KCMF1: variants seen among roughly 807,000 people sequenced by gnomAD.
KCMF1 encodes potassium channel modulatory factor 1.
In KCMF1, 3 loss-of-function variants were observed where a neutral mutation model predicts 41.1. That is an observed-to-expected ratio of 0.07 (90% confidence interval 0.03 to 0.19). The LOEUF is 0.19. Ranked by LOEUF, KCMF1 falls within the 10% of genes least tolerant of loss-of-function variation. The probability of loss-of-function intolerance (pLI) is 1.00; values close to 1 mark genes in which losing one functional copy is unlikely to be tolerated. For synonymous variants in KCMF1, 142 were observed against 164.5 expected, an observed-to-expected ratio of 0.86 and a Z score of 1.04; for missense variants, 286 against 488.9, an observed-to-expected ratio of 0.58 and a Z score of 3.91.
chr2:85,025,667 GGC>G, intron 1 of KCMF1, among the ~76,000 whole-genome samples: 2 of 152,106 alleles, frequency 1.3e-5, no homozygotes, highest in South Asian at 2.1e-4. Context: ...GGAGTGCAGT[GGC>G]GCAACCTCAG....
At chr2:85,023,179 G>A (rs979057713) in intron 1 of KCMF1, among the ~76,000 whole-genome samples, 2 of 151,582 alleles carry the variant, frequency 1.3e-5, no homozygotes, top group African/African-American at 2.4e-5. Flanking sequence ...GAGCCACCGC[G>A]CCCGGCCAAT....
intron 1 of KCMF1, among the ~76,000 whole-genome samples, chr2:85,001,356 A>G (rs945815124): frequency 6.6e-6 from 1 of 151,146 alleles, no homozygotes; most frequent in South Asian, 2.1e-4. Flanking sequence ...ACAGGGTCTC[A>G]CCATGTTGGC....
Position 85,053,515 on chromosome 2 carries a change from T to C in KCMF1, c.*106T>C. On this transcript the variant is annotated 3_prime_UTR_variant, in exon 7 of 7. Coordinates refer to ENST00000409785, the MANE Select transcript of KCMF1 (RefSeq NM_020122.5). ...GTGATTGTAATTTCAGGTCTGTCAC[T>C]CTTGTTACATTGTGTACATTCAAAA... 1 of 1,115,686 alleles carries C rather than the reference T, an allele frequency of 9.0e-7. No individual in the cohort carries two copies. Among genetic ancestry groups the C allele is most frequent in the Non-Finnish European group, 1.3e-6 (1 of 790,406 alleles). The allele number at this position is 1,115,686 out of a possible 1,614,324, so 69.1% of individuals were successfully genotyped here. A position where few individuals can be genotyped will look rare whatever the true frequency, so the allele number is the denominator to read the frequency against.
At chr2:85,000,842 G>A (rs1259930835) in intron 1 of KCMF1, among the ~76,000 whole-genome samples, 1 of 146,708 alleles carries the variant, frequency 6.8e-6, no homozygotes, top group African/African-American at 2.5e-5. Context: ...GTAGTGGCAC[G>A]ATCATAGCTC....
intron 6 of KCMF1, among the ~76,000 whole-genome samples, chr2:85,050,500 G>A (rs1441036786): frequency 6.6e-6 from 1 of 152,110 alleles, no homozygotes; most frequent in African/African-American, 2.4e-5. Context: ...TGGAGTTCTT[G>A]TTTGCTTCTG....
At chr2:85,046,726 A>G (rs748162797) in intron 5 of KCMF1, among the ~76,000 whole-genome samples, 2 of 152,160 alleles carry the variant, frequency 1.3e-5, no homozygotes, top group Non-Finnish European at 2.9e-5. Context: ...CAAATACATT[A>G]AAAGTGTAAA....
intron 1 of KCMF1, among the ~76,000 whole-genome samples, chr2:84,976,046 T>A (rs1673535325): frequency 6.6e-6 from 1 of 152,120 alleles, no homozygotes; most frequent in Non-Finnish European, 1.5e-5. Flanking sequence ...GGAAGATGCA[T>A]TTTTTACGTA....
At chr2:85,030,760 G>A (rs528165339) in intron 2 of KCMF1, among the ~76,000 whole-genome samples, 8 of 152,174 alleles carry the variant, frequency 5.3e-5, no homozygotes, top group South Asian at 4.2e-4. Flanking sequence ...GCAGTGGTGC[G>A]ATCTTGGCTC....
At chr2:85,033,510 T>G (rs1233056390) in intron 2 of KCMF1, among the ~76,000 whole-genome samples, 1 of 152,160 alleles carries the variant, frequency 6.6e-6, no homozygotes, top group East Asian at 1.9e-4. Context: ...GCCTCAGCTG[T>G]GTCATAACAT....
chr2:85,025,494 ACT>A (rs1348320698), intron 1 of KCMF1, among the ~76,000 whole-genome samples: 2 of 150,854 alleles, frequency 1.3e-5, no homozygotes, highest in East Asian at 1.9e-4. Context: ...AAACTTGAAA[ACT>A]CTCTACCCAC....
intron 1 of KCMF1, among the ~76,000 whole-genome samples, chr2:85,002,265 G>A (rs191795891): frequency 4.6e-5 from 7 of 152,280 alleles, no homozygotes; most frequent in Admixed American, 3.3e-4. Context: ...GATGGTACCA[G>A]TGTCCTATGA....
At position 84,971,485 on chromosome 2, in the gene KCMF1, C is replaced by A; in HGVS notation, c.16+18C>A. The A allele has an allele frequency of 8.0e-7, 1 of 1,249,592 alleles. No individual in the cohort carries two copies. The highest frequency in any genetic ancestry group is 2.0e-5 in the South Asian group (1 of 51,180). 77.4% of individuals were successfully genotyped at this position (1,249,592 alleles called of 1,614,324 possible). ...ACATGAAGGTGAGAGGAGCCCCCGCCCCCACCCGCACCTCCCGGGCCTCGG... is the reference window on the plus strand; with the variant it reads ...ACATGAAGGTGAGAGGAGCCCCCGCACCCACCCGCACCTCCCGGGCCTCGG... On this transcript the variant is annotated intron_variant, in intron 1 of 6. Transcript: ENST00000409785.
intron 3 of KCMF1, among the ~76,000 whole-genome samples, chr2:85,042,199 A>C (rs1314040295): frequency 1.3e-5 from 2 of 152,190 alleles, no homozygotes; most frequent in African/African-American, 2.4e-5. Flanking sequence ...TTTCCTGAGG[A>C]TATTTCTCAG....
In KCMF1 at chr2:85,049,439, T is replaced by G; in HGVS notation, c.675T>G (p.Ser225=). 6.2e-7 allele frequency: 1 copy of G among 1,614,058 alleles called. No homozygotes were observed. The highest frequency in any genetic ancestry group is 1.1e-5 in the South Asian group (1 of 91,088). Residue 225 remains serine (S), a synonymous_variant, in exon 6 of 7, where the codon TCT becomes TCG. Transcript: ENST00000409785. ...GQLNSSGPSA[S]QLQQLQMQLQ... ...TTAATTCCTCTGGCCCTTCCGCTTC[T>G]CAGTTACAACAACTGCAGATGCAGC...
At chr2:85,014,726 T>TGCGTGC (rs1553380032) in intron 1 of KCMF1, among the ~76,000 whole-genome samples, 36 of 117,152 alleles carry the variant, frequency 3.1e-4, no homozygotes, top group African/African-American at 1.3e-3. Context: ...CGTGCGTGCG[T>TGCGTGC]GTGTGTGTGT....
In KCMF1 at chr2:85,043,652, C is replaced by A. The variant is rs1439877177; in HGVS notation, c.413C>A (p.Ala138Asp). 11 of 1,598,762 alleles carry A rather than the reference C, an allele frequency of 6.9e-6. No individual in the cohort carries two copies. Among genetic ancestry groups the A allele is most frequent in the African/African-American group, 1.3e-5 (1 of 74,616 alleles). The change falls in exon 4 of 7, where the codon GCC becomes GAC. Residue 138 changes from alanine (A) to aspartate (D), a missense_variant. By Grantham distance (126) the Ala-to-Asp change is moderately radical (BLOSUM62 -2). Transcript: ENST00000409785. ...FAAHLTLEHR[A>D]PRDLDESSGV... is the part of the protein sequence containing the mutation. ...GCTCATCTTACACTTGAACACAGAG[C>A]CCCTAGAGATTTAATATCCTTTTAA...
chr2:85,035,269 T>G (rs1675381043), intron 3 of KCMF1, 114 bp downstream of exon 3: 1 of 931,724 alleles, frequency 1.1e-6, no homozygotes, highest in Non-Finnish European at 1.5e-6. Context: ...TGATACCGTT[T>G]GCATAGTTAT....
Position 85,054,899 on chromosome 2 carries a change from C to A in KCMF1, c.*1490C>A, listed in dbSNP as rs1352777665. ...CATGACAAGCATACAGACTTGAACA[C>A]CCCTCCGGTGTTCTTCCGAGAACTG... On this transcript the variant is annotated 3_prime_UTR_variant, in exon 7 of 7. Coordinates refer to ENST00000409785, the MANE Select transcript of KCMF1 (RefSeq NM_020122.5). The A allele has an allele frequency of 1.3e-5, 2 of 152,174 alleles. No homozygotes were observed. Among genetic ancestry groups the A allele is most frequent in the Non-Finnish European group, 2.9e-5 (2 of 68,032 alleles). 9.4% of individuals were successfully genotyped at this position (152,174 alleles called of 1,614,324 possible).
chr2:85,012,444 A>G (rs1674674937), intron 1 of KCMF1, among the ~76,000 whole-genome samples: 1 of 152,236 alleles, frequency 6.6e-6, no homozygotes, highest in African/African-American at 2.4e-5. Context: ...TTCACATCAA[A>G]CTGTATAAGC....
Sources: gnomAD v4.1 joint callset for allele counts (sites outside exome capture counted in the v4.1 genomes callset) on GRCh38, gnomAD v4.1.1 for gene constraint, MANE v1.5 for transcripts, NCBI Gene and HGNC (gene_info 2026-07-23, HGNC 2026-07-21) for gene names.